GALP: variants seen among roughly 807,000 people sequenced by gnomAD.
GALP encodes galanin-like peptide.
GALP carries 12 observed loss-of-function variants against 15.2 expected under a neutral mutation model. That is an observed-to-expected ratio of 0.79 (90% CI 0.51 to 1.28). The LOEUF is 1.28. GALP is among the 50% of genes most tolerant of loss of function. GALP has a pLI of 0.00. For missense variants in GALP, 161 were observed against 145.6 expected (o/e 1.11, Z -0.55); for synonymous variants, 58 against 55.1 (o/e 1.05, Z -0.23).
At chr19:56,183,743 A>G (rs183496038) in intron 5 of GALP, among the ~76,000 whole-genome samples, 1,829 of 150,798 alleles carry the variant, frequency 0.012, 22 homozygotes, top group South Asian at 0.022. Flanking sequence ...GATTACAGGC[A>G]CGCGCCACCA....
At chr19:56,182,744 G>A (rs1419307463) in intron 4 of GALP, among the ~76,000 whole-genome samples, 1 of 152,158 alleles carries the variant, frequency 6.6e-6, no homozygotes. Flanking sequence ...TTTTAGTAGA[G>A]ATGGGGTTTC....
At chr19:56,180,502 T>C in intron 2 of GALP, 84 bp from the exon 3 acceptor site, 1 of 1,154,282 alleles carries the variant, frequency 8.7e-7, no homozygotes, top group Non-Finnish European at 1.3e-6. Flanking sequence ...GAAAGTCGTA[T>C]GACGACCCAC....
rs549784568 is a variant in GALP, at chr19:56,181,616, C to T, written c.137-556C>T. ...GGAGACGGGGTTTCTCCATGTTGGT[C>T]AGACTGGTCTTGAACTCCCAACCTC... On this transcript the variant is annotated intron_variant, in intron 3 of 5. Transcript: ENST00000357330. 1.8e-4 allele frequency among the ~76,000 whole-genome samples: 27 copies of T among 152,032 alleles called. 1 individual carries two copies. Among genetic ancestry groups the T allele is most frequent in the African/African-American group, 6.3e-4 (26 of 41,470 alleles).
chr19:56,178,682 A>G (rs1260896174), intron 2 of GALP, among the ~76,000 whole-genome samples: 7 of 152,026 alleles, frequency 4.6e-5, no homozygotes, highest in Admixed American at 3.3e-4. Context: ...AATCCATCCT[A>G]TAGGGATGTT....
At chr19:56,180,003 C>G (rs779338921) in intron 2 of GALP, among the ~76,000 whole-genome samples, 3 of 152,132 alleles carry the variant, frequency 2.0e-5, no homozygotes, top group Non-Finnish European at 4.4e-5. Flanking sequence ...TCTTGAACTC[C>G]TGACCTCAGG....
chr19:56,184,202 C>T (rs1464890016), intron 5 of GALP, among the ~76,000 whole-genome samples: 10 of 151,668 alleles, frequency 6.6e-5, no homozygotes, highest in African/African-American at 2.2e-4. Context: ...GTGATCTGCC[C>T]GCCTTGGCCT....
chr19:56,177,089 C>T lies in GALP; in HGVS notation c.-20C>T, dbSNP rs868181083. The T allele has an allele frequency of 1.3e-6, 2 of 1,597,942 alleles. No individual in the cohort carries two copies. Among genetic ancestry groups the T allele is most frequent in the Middle Eastern group, 1.7e-4 (1 of 6,040 alleles). ...TTGCAGCGTGTTCCGCAGCTGTAGG[C>T]ACCTGTCGTCCTGCCTTCGATGGCT... On this transcript the variant is annotated 5_prime_UTR_variant, in exon 2 of 6. Coordinates refer to ENST00000357330, the MANE Select transcript of GALP (RefSeq NM_033106.4).
intron 2 of GALP, among the ~76,000 whole-genome samples, chr19:56,177,520 A>AAAG (rs1398486812): frequency 7.1e-6 from 1 of 141,606 alleles, no homozygotes; most frequent in East Asian, 2.0e-4. Flanking sequence ...CAAAAAAAAA[A>AAAG]AAAAAAAAGA....
At chr19:56,177,239 T>G (rs1193152010) in intron 2 of GALP, 44 bp downstream of exon 2, 1 of 1,490,500 alleles carries the variant, frequency 6.7e-7, no homozygotes, top group Non-Finnish European at 9.3e-7. Context: ...TGTCCCCAAA[T>G]CCCTGCCCTC....
rs772854458 is a variant in GALP, at chr19:56,182,189, A to G, written c.154A>G (p.Met52Val). 36 of 1,613,502 alleles carry G rather than the reference A, an allele frequency of 2.2e-5. No individual in the cohort carries two copies. Among genetic ancestry groups the G allele is most frequent in the Non-Finnish European group, 2.5e-5 (30 of 1,179,642 alleles). ...LLGPVLHLPQ[M>V]GDQDGKRETA... is the part of the protein sequence containing the mutation. Reference sequence around the variant, plus strand: ...CTACCCAGTCCTCCACCTTCCCCAAATGGGTGACCAAGACGGAAAGAGGGA... The same window carrying G: ...CTACCCAGTCCTCCACCTTCCCCAAGTGGGTGACCAAGACGGAAAGAGGGA... Residue 52 changes from methionine to valine, a missense_variant, in exon 4 of 6, where the codon ATG becomes GTG. By Grantham distance (21) the Met-to-Val change is conservative. Transcript: ENST00000357330.
At chr19:56,181,550 A>T (rs60106094) in intron 3 of GALP, among the ~76,000 whole-genome samples, 9,237 of 151,554 alleles carry the variant, frequency 0.061, 761 homozygotes, top group East Asian at 0.4. Flanking sequence ...GATTACACGC[A>T]TGCACCACAA....
chr19:56,183,052 G>A (rs144859428), intron 4 of GALP, 83 bp from the exon 5 acceptor site: 20 of 965,864 alleles, frequency 2.1e-5, no homozygotes, highest in East Asian at 5.0e-5. Flanking sequence ...TCTTGCTCCC[G>A]TCTTTGTGTC....
chr19:56,179,490 T>A (rs1457503815), intron 2 of GALP, among the ~76,000 whole-genome samples: 7 of 149,626 alleles, frequency 4.7e-5, no homozygotes, highest in South Asian at 2.1e-4. Flanking sequence ...ATATATATAT[T>A]TTGTATTTTT....
chr19:56,184,713 G>A (rs1273606131), intron 5 of GALP, among the ~76,000 whole-genome samples: 1 of 151,142 alleles, frequency 6.6e-6, no homozygotes, highest in Non-Finnish European at 1.5e-5. Flanking sequence ...TCGATCTCCT[G>A]ACCTCGTGAT....
In GALP at chr19:56,185,287, G is replaced by T. The variant is rs765900253; in HGVS notation, c.*17G>T. 2 of 1,541,552 alleles carry T rather than the reference G, an allele frequency of 1.3e-6. No homozygotes were observed. Among genetic ancestry groups the T allele is most frequent in the Admixed American group, 3.5e-5 (2 of 57,322 alleles). Reference sequence around the variant, plus strand: ...AAGTCATAGATGTCTTCAAATCCCTGTTCCTATCCTTCTTCTCCAGCTCCT... The same window carrying T: ...AAGTCATAGATGTCTTCAAATCCCTTTTCCTATCCTTCTTCTCCAGCTCCT... On this transcript the variant is annotated 3_prime_UTR_variant, in exon 6 of 6. Transcript: ENST00000357330.
chr19:56,179,067 C>G (rs2032516415), intron 2 of GALP, among the ~76,000 whole-genome samples: 1 of 152,042 alleles, frequency 6.6e-6, no homozygotes, highest in Admixed American at 6.5e-5. Context: ...AGCCCAGCTG[C>G]TCAGGAGGCT....
Position 56,185,336 on chromosome 19 carries a change from T to G in GALP, c.*66T>G. 1 of 936,624 alleles carries G rather than the reference T, an allele frequency of 1.1e-6. No individual in the cohort carries two copies. The highest frequency in any genetic ancestry group is 1.7e-6 in the Non-Finnish European group (1 of 589,288). 58.0% of individuals were successfully genotyped at this position (936,624 alleles called of 1,614,324 possible). A position where few individuals can be genotyped will look rare whatever the true frequency, so the allele number is the denominator to read the frequency against. On this transcript the variant is annotated 3_prime_UTR_variant, in exon 6 of 6. Coordinates refer to ENST00000357330, the MANE Select transcript of GALP (RefSeq NM_033106.4). Reference sequence around the variant, plus strand: ...CTCCTGCTCCCTCTGAAACCTTTTCTAGGTACCCTATGCTGAGACTAAGAT... The same window carrying G: ...CTCCTGCTCCCTCTGAAACCTTTTCGAGGTACCCTATGCTGAGACTAAGAT...
chr19:56,182,031 G>A, intron 3 of GALP, 141 bp from the exon 4 acceptor site: 1 of 665,010 alleles, frequency 1.5e-6, no homozygotes, highest in Admixed American at 2.3e-5. Context: ...CGGTAGGTAG[G>A]GACGGTCAAC....
At chr19:56,179,952 A>AT (rs147835604) in intron 2 of GALP, among the ~76,000 whole-genome samples, 7 of 151,830 alleles carry the variant, frequency 4.6e-5, no homozygotes, top group East Asian at 1.9e-4. Context: ...TGCCCAGCTA[A>AT]TTTTTTTTAT....
Sources: gnomAD v4.1 joint callset for allele counts (sites outside exome capture counted in the v4.1 genomes callset) on GRCh38, gnomAD v4.1.1 for gene constraint, MANE v1.5 for transcripts, NCBI Gene and HGNC (gene_info 2026-07-23, HGNC 2026-07-21) for gene names.